HTT: variants seen among roughly 807,000 people sequenced by gnomAD.
HTT encodes huntingtin, also known as huntington disease protein.
Under a neutral mutation model 362.3 loss-of-function variants are expected in HTT, and 104 were observed. The observed-to-expected ratio is 0.29, with a 90% CI of 0.24 to 0.34. The LOEUF is 0.34. Ranked by LOEUF, HTT falls within the 10% of genes least tolerant of loss-of-function variation. The pLI is 1.00. For synonymous variants in HTT, 1,577 were observed against 1,548.7 expected, an observed-to-expected ratio of 1.02 and a Z score of -0.43; for missense variants, 3,301 against 3,928.6, an observed-to-expected ratio of 0.84 and a Z score of 4.27.
chr4:3,161,758 T>C (rs1217618623), intron 29 of HTT, among the ~76,000 whole-genome samples: 1 of 152,224 alleles, frequency 6.6e-6, no homozygotes, highest in Non-Finnish European at 1.5e-5. Context: ...TGTCCATTTT[T>C]TGATGGGGTT....
chr4:3,147,007 G>T (rs1412463583), intron 25 of HTT, 59 bp downstream of exon 25: 16 of 1,539,122 alleles, frequency 1.0e-5, no homozygotes, highest in Non-Finnish European at 1.4e-5. Flanking sequence ...TCCTTAGGGG[G>T]AATGGGGGTG....
At chr4:3,153,152 T>G (rs571718191) in intron 26 of HTT, among the ~76,000 whole-genome samples, 1 of 152,200 alleles carries the variant, frequency 6.6e-6, no homozygotes, top group East Asian at 1.9e-4. Flanking sequence ...GATCCAGGAC[T>G]TTCGCCTTGC....
rs755530909 is a variant in HTT, at chr4:3,241,258, C to T, written c.*1199C>T. On this transcript the variant is annotated 3_prime_UTR_variant, in exon 67 of 67. Transcript: ENST00000355072. ...CAGAGCCCAGCATCCCTTCTGCCCC[C>T]GTTCCAGCTGACATCTTGCACGGTG... The T allele has an allele frequency of 7.2e-5, 11 of 152,450 alleles. No homozygotes were observed. Among genetic ancestry groups the T allele is most frequent in the East Asian group, 1.9e-4 (1 of 5,204 alleles). 9.4% of individuals were successfully genotyped at this position (152,450 alleles called of 1,614,324 possible).
chr4:3,146,840 A>T lies in HTT; in HGVS notation c.3187A>T (p.Thr1063Ser). 2 of 1,614,094 alleles carry T rather than the reference A, an allele frequency of 1.2e-6. No individual in the cohort carries two copies. Among genetic ancestry groups the T allele is most frequent in the Non-Finnish European group, 1.7e-6 (2 of 1,179,940 alleles). Residue 1063 changes from threonine to serine, a missense_variant, in exon 25 of 67, where the codon ACC (threonine) becomes TCC (serine). Around this residue, in one of 4 missense-constraint regions of HTT, gnomAD observed 2,316 missense variants for 2,658.5 expected, o/e 0.87. Transcript: ENST00000355072. ...CTCAGATGAGTCTAGGAAGAGCTGTACCGTTGGGATGGCCACAATGATTCT... is the reference window on the plus strand; with the variant it reads ...CTCAGATGAGTCTAGGAAGAGCTGTTCCGTTGGGATGGCCACAATGATTCT... Reference protein sequence around the residue: ...SASDESRKSCTVGMATMILTL... With the variant: ...SASDESRKSCSVGMATMILTL...
At position 3,199,185 on chromosome 4, in the gene HTT, G is replaced by A. The variant is rs1020700072; in HGVS notation, c.5369-547G>A. Among the ~76,000 whole-genome samples the A allele has an allele frequency of 7.2e-5, 11 of 152,340 alleles. No individual in the cohort carries two copies. In the East Asian group the frequency reaches 1.2e-3, roughly 16 times the overall value. On this transcript the variant is annotated intron_variant, in intron 40 of 66. Coordinates refer to ENST00000355072, the MANE Select transcript of HTT (RefSeq NM_001388492.1). ...AGCTCCTGGAGGGCTTGGCATTGCCGACCAATGTGGAGGTCGACAGTGAGA... is the reference window on the plus strand; with the variant it reads ...AGCTCCTGGAGGGCTTGGCATTGCCAACCAATGTGGAGGTCGACAGTGAGA...
chr4:3,154,390 G>A lies in HTT; in HGVS notation c.3596G>A (p.Ser1199Asn). 6.2e-7 allele frequency: 1 copy of A among 1,614,072 alleles called. No individual in the cohort carries two copies. The highest frequency in any genetic ancestry group is 8.5e-7 in the Non-Finnish European group (1 of 1,179,962). The change falls in exon 27 of 67, where the codon AGT (serine) becomes AAT (asparagine). Residue 1199 changes from serine (S) to asparagine (N), a missense_variant. This residue lies in a region of HTT where 2,316 missense variants were observed against 2,658.5 expected (regional missense o/e 0.87). Coordinates refer to ENST00000355072, the MANE Select transcript of HTT (RefSeq NM_001388492.1). ...EPGEQASVPLSPKKGSEASAA... is the reference protein window; with the variant it reads ...EPGEQASVPLNPKKGSEASAA... Reference sequence around the variant, plus strand: ...GGAGAACAAGCATCTGTACCGTTGAGTCCCAAGAAAGGCAGTGAGGCCAGT... The same window carrying A: ...GGAGAACAAGCATCTGTACCGTTGAATCCCAAGAAAGGCAGTGAGGCCAGT...
chr4:3,172,525 T>G (rs919643927), intron 30 of HTT, 128 bp downstream of exon 30: 11 of 746,678 alleles, frequency 1.5e-5, no homozygotes, highest in Non-Finnish European at 2.7e-5. Flanking sequence ...AGCGCAGCAC[T>G]TTTTGGCTCA....
At chr4:3,214,191 A>G (rs1303913834) in intron 50 of HTT, 56 bp downstream of exon 50, 1 of 1,311,742 alleles carries the variant, frequency 7.6e-7, no homozygotes. Context: ...CTGCTTCACC[A>G]TGTTTTTATT....
chr4:3,075,647 C>CGGGGGGGGGGGGG (rs1560535774), intron 1 of HTT, among the ~76,000 whole-genome samples: 12 of 61,678 alleles, frequency 1.9e-4, no homozygotes, highest in Non-Finnish European at 2.4e-4. Context: ...AGTGGCGGGG[C>CGGGGGGGGGGGGG]AGGGGGGGGG....
At chr4:3,096,774 C>G (rs992284452) in intron 2 of HTT, among the ~76,000 whole-genome samples, 2 of 152,280 alleles carry the variant, frequency 1.3e-5, no homozygotes, top group East Asian at 1.9e-4. Context: ...AAATCAATGA[C>G]CTCAGCTTCT....
chr4:3,229,835 G>T (rs1721164411), intron 59 of HTT, 52 bp from the exon 60 acceptor site: 1 of 1,596,582 alleles, frequency 6.3e-7, no homozygotes, highest in Non-Finnish European at 8.6e-7. Context: ...GCGTTGCCTG[G>T]ATTCTAACAG....
intron 29 of HTT, among the ~76,000 whole-genome samples, chr4:3,168,136 G>C (rs1256926522): frequency 6.6e-6 from 1 of 152,196 alleles, no homozygotes; most frequent in Non-Finnish European, 1.5e-5. Context: ...GCATGGCAAG[G>C]TTTCAGATCT....
chr4:3,152,240 A>G (rs1345578578), intron 26 of HTT, among the ~76,000 whole-genome samples: 3 of 151,892 alleles, frequency 2.0e-5, no homozygotes, highest in South Asian at 2.1e-4. Context: ...TTGGGATTAC[A>G]GGCGCCTGCC....
intron 3 of HTT, among the ~76,000 whole-genome samples, chr4:3,103,415 G>A (rs760660448): frequency 2.0e-5 from 3 of 151,458 alleles, no homozygotes; most frequent in Non-Finnish European, 2.9e-5. Context: ...TAGTAGAGAC[G>A]GAGTTTCTCC....
At chr4:3,161,691 C>T (rs1319783914) in intron 29 of HTT, among the ~76,000 whole-genome samples, 4 of 152,100 alleles carry the variant, frequency 2.6e-5, no homozygotes, top group Non-Finnish European at 5.9e-5. Context: ...AGCATTTTTT[C>T]GTATGTCTGT....
chr4:3,075,705 C>T (rs933737983), intron 1 of HTT, among the ~76,000 whole-genome samples: 76 of 151,168 alleles, frequency 5.0e-4, no homozygotes, highest in African/African-American at 1.8e-3. Context: ...CCTAGTGGCA[C>T]TTAAAACAGC....
chr4:3,151,307 G>C (rs1457153833), intron 26 of HTT, among the ~76,000 whole-genome samples: 1 of 152,070 alleles, frequency 6.6e-6, no homozygotes, highest in African/African-American at 2.4e-5. Context: ...AAGGTGAAGG[G>C]GAAGTAGGCA....
intron 41 of HTT, among the ~76,000 whole-genome samples, chr4:3,203,349 C>T (rs937025485): frequency 6.6e-6 from 1 of 152,194 alleles, no homozygotes; most frequent in Non-Finnish European, 1.5e-5. Context: ...ATGGGAAGGA[C>T]GTCGCTCGGT....
intron 6 of HTT, among the ~76,000 whole-genome samples, chr4:3,111,102 C>T (rs1427285143): frequency 6.6e-6 from 1 of 152,012 alleles, no homozygotes; most frequent in African/African-American, 2.4e-5. Context: ...ACTGCAGCCT[C>T]AAATTCCTGG....
Sources: allele counts gnomAD v4.1 joint callset (sites outside exome capture counted in the v4.1 genomes callset), GRCh38; gene constraint gnomAD v4.1.1; regional missense constraint gnomAD v4.1.1; transcripts MANE v1.5; gene names NCBI Gene and HGNC (gene_info 2026-07-23, HGNC 2026-07-21).